CEP63: variants seen among roughly 807,000 people sequenced by gnomAD.
CEP63 encodes centrosomal protein 63.
CEP63 carries 84 observed loss-of-function variants against 89.1 expected under a neutral mutation model. The observed-to-expected ratio is 0.94, with a 90% CI of 0.79 to 1.13. The LOEUF is 1.13. Ranked by LOEUF, CEP63 falls within the 50% of genes most tolerant of loss-of-function variation. The probability of loss-of-function intolerance (pLI) is 0.00; values close to 1 mark genes in which losing one functional copy is unlikely to be tolerated. For missense variants in CEP63, 838 were observed against 813.3 expected (o/e 1.03, Z -0.37); for synonymous variants, 267 against 272.5 (o/e 0.98, Z 0.20).
chr3:134,729,548 T>C, the CEP63 span, among the ~76,000 whole-genome samples: 7 of 152,246 alleles, frequency 4.6e-5, no homozygotes, highest in African/African-American at 1.4e-4. Flanking sequence ...TTTTGTCCTT[T>C]AATCTTTATG....
chr3:134,487,986 G>A (rs1936229085), intron 1 of CEP63: 1 of 152,142 alleles, frequency 6.6e-6, no homozygotes, highest in Non-Finnish European at 1.5e-5. Context: ...CCTTTAACAT[G>A]TATCTCTGTT....
At chr3:134,615,492 T>G in the CEP63 span, 1 of 152,018 alleles carries the variant, frequency 6.6e-6, no homozygotes, top group Admixed American at 6.5e-5. Context: ...TTTGTTATTA[T>G]TATACTTTAA....
At position 134,537,592 on chromosome 3, in the gene CEP63, G is replaced by A. The variant is rs535554311; in HGVS notation, c.555+324G>A. 2.0e-5 allele frequency among the ~76,000 whole-genome samples: 3 copies of A among 152,196 alleles called. No individual in the cohort carries two copies. The East Asian group carries it at 5.8e-4, about 29-fold the overall frequency. On this transcript the variant is annotated intron_variant, in intron 6 of 14. Coordinates refer to ENST00000675561, the MANE Select transcript of CEP63 (RefSeq NM_001353108.3). ...AGGCTCACTCTATGCTTGCATCCAT[G>A]TTCACTCTCCTCATCTTGGTCCCTA...
At chr3:134,696,368 A>T in the CEP63 span, among the ~76,000 whole-genome samples, 1 of 152,238 alleles carries the variant, frequency 6.6e-6, no homozygotes, top group South Asian at 2.1e-4. Context: ...GGTTAAGGGC[A>T]GCTCCTGCAA....
rs373873672 is a variant in CEP63, at chr3:134,559,606, C to G, written c.1953+177C>G. Among the ~76,000 whole-genome samples the G allele has an allele frequency of 9.2e-5, 14 of 152,224 alleles. No individual in the cohort carries two copies. In the South Asian group the frequency reaches 2.9e-3, roughly 32 times the overall value. ...TTTTGCTTGTGAAGACACTTTCGGC[C>G]AAGACTACTTTTCAAAATGTTCTGA... On this transcript the variant is annotated intron_variant, in intron 14 of 14. Coordinates refer to ENST00000675561, the MANE Select transcript of CEP63 (RefSeq NM_001353108.3).
chr3:134,737,576 T>C, the CEP63 span, among the ~76,000 whole-genome samples: 6 of 152,230 alleles, frequency 3.9e-5, no homozygotes, highest in Non-Finnish European at 7.3e-5. Context: ...TTATCACTTG[T>C]TCCCTAGTGG....
the CEP63 span, among the ~76,000 whole-genome samples, chr3:134,648,893 G>T: frequency 6.6e-6 from 1 of 152,198 alleles, no homozygotes; most frequent in Non-Finnish European, 1.5e-5. Flanking sequence ...TCTGGAGTGT[G>T]GAGGAGAAAG....
At chr3:134,551,156 A>C (rs200238927) in intron 11 of CEP63, among the ~76,000 whole-genome samples, 5 of 152,150 alleles carry the variant, frequency 3.3e-5, no homozygotes, top group Admixed American at 3.3e-4. Flanking sequence ...TTTGTTTGGA[A>C]TAAAGGCTGG....
the CEP63 span, among the ~76,000 whole-genome samples, chr3:134,645,488 C>G: frequency 6.6e-6 from 1 of 152,218 alleles, no homozygotes; most frequent in African/African-American, 2.4e-5. Context: ...GGCTGGGTGC[C>G]TTGGGCACCA....
At chr3:134,681,368 G>A in the CEP63 span, among the ~76,000 whole-genome samples, 1 of 152,168 alleles carries the variant, frequency 6.6e-6, no homozygotes, top group Non-Finnish European at 1.5e-5. Context: ...GCTGCTGAAG[G>A]TCAATTAAGG....
the CEP63 span, among the ~76,000 whole-genome samples, chr3:134,710,056 A>G: frequency 6.6e-6 from 1 of 152,182 alleles, no homozygotes; most frequent in African/African-American, 2.4e-5. Context: ...GGGTGTTCAG[A>G]GGTCTGGGGC....
the CEP63 span, among the ~76,000 whole-genome samples, chr3:134,617,732 G>A: frequency 2.0e-5 from 3 of 152,226 alleles, no homozygotes; most frequent in African/African-American, 7.2e-5. Flanking sequence ...GGGTACAAAG[G>A]AAGGGGAAGG....
At chr3:134,739,930 G>A in the CEP63 span, among the ~76,000 whole-genome samples, 5 of 152,250 alleles carry the variant, frequency 3.3e-5, no homozygotes, top group South Asian at 6.2e-4. Context: ...TGACAGATGA[G>A]GACACCGGTG....
At chr3:134,690,196 A>C in the CEP63 span, among the ~76,000 whole-genome samples, 55 of 152,352 alleles carry the variant, frequency 3.6e-4, no homozygotes, top group African/African-American at 1.3e-3. Context: ...TATTTAAAAA[A>C]TTTATAATGC....
chr3:134,581,462 C>T (rs1305764936), intron 10 of CEP63, among the ~76,000 whole-genome samples: 24 of 151,088 alleles, frequency 1.6e-4, no homozygotes, highest in Non-Finnish European at 4.4e-5. Flanking sequence ...GCACTGTAGT[C>T]CCAGCTACTC....
At position 134,546,151 on chromosome 3, in the gene CEP63, T is replaced by C; in HGVS notation, c.792T>C (p.Ala264=). 6.2e-7 allele frequency: 1 copy of C among 1,613,744 alleles called. No individual in the cohort carries two copies. The highest frequency in any genetic ancestry group is 1.1e-5 in the South Asian group (1 of 90,980). ...AATCATATTTGACTTTTTTGCAGGCTCTGCAGGAAGAAAAGAGAGAATTGA... is the reference window on the plus strand; with the variant it reads ...AATCATATTTGACTTTTTTGCAGGCCCTGCAGGAAGAAAAGAGAGAATTGA... The part of the protein sequence containing the change: ...KLRESEKLLE[A]LQEEKRELKA... Residue 264 remains alanine, a splice_region_variant and synonymous_variant, in exon 8 of 15, where the codon GCT becomes GCC. Coordinates refer to ENST00000675561, the MANE Select transcript of CEP63 (RefSeq NM_001353108.3).
At chr3:134,625,599 T>A in the CEP63 span, among the ~76,000 whole-genome samples, 5 of 152,172 alleles carry the variant, frequency 3.3e-5, no homozygotes, top group Non-Finnish European at 7.3e-5. Context: ...GCCACGGCCC[T>A]GGGGTGGAGG....
the CEP63 span, among the ~76,000 whole-genome samples, chr3:134,659,897 G>A: frequency 6.6e-6 from 1 of 152,246 alleles, no homozygotes. Context: ...TTCAGTGTCA[G>A]TGCAGACTCC....
At chr3:134,513,218 C>T (rs1945409646) in intron 3 of CEP63, among the ~76,000 whole-genome samples, 3 of 152,122 alleles carry the variant, frequency 2.0e-5, no homozygotes. Flanking sequence ...TCTTTGCATT[C>T]TCTGTCACCA....
Sources: allele counts gnomAD v4.1 joint callset (sites outside exome capture counted in the v4.1 genomes callset), GRCh38; gene constraint gnomAD v4.1.1; transcripts MANE v1.5; gene names NCBI Gene and HGNC (gene_info 2026-07-23, HGNC 2026-07-21).